The following CEP112 variants were observed in gnomAD, a reference collection of about 807,000 sequenced individuals.
CEP112 encodes the protein centrosomal protein 112, also known as centrosomal protein of 112 kDa.
In CEP112, 127 loss-of-function variants were observed where a neutral mutation model predicts 153.0. The ratio of observed to expected loss-of-function variants is 0.83; its 90% CI spans 0.72 to 0.96. The LOEUF (loss-of-function observed/expected upper bound fraction) is 0.96. CEP112 is among the 40% of genes least tolerant of loss of function. CEP112 has a pLI of 0.00. For missense variants in CEP112, 1,089 were observed against 1,101.2 expected, an observed-to-expected ratio of 0.99 and a Z score of 0.16; for synonymous variants, 358 against 374.4, an observed-to-expected ratio of 0.96 and a Z score of 0.51.
At chr17:65,675,282 A>G (rs752829201) in intron 24 of CEP112, among the ~76,000 whole-genome samples, 3 of 152,192 alleles carry the variant, frequency 2.0e-5, no homozygotes, top group Non-Finnish European at 4.4e-5. Context: ...TTAATTACAA[A>G]TCTTCCAACA....
At chr17:66,059,083 G>A (rs764358982) in intron 11 of CEP112, among the ~76,000 whole-genome samples, 3 of 152,098 alleles carry the variant, frequency 2.0e-5, no homozygotes, top group Non-Finnish European at 2.9e-5. Context: ...CAATAAATGG[G>A]ATGAGATAAC....
intron 21 of CEP112, among the ~76,000 whole-genome samples, chr17:65,760,972 G>GTTTTGGCAGATTGTGT (rs1567974297): frequency 6.6e-6 from 1 of 152,026 alleles, no homozygotes; most frequent in African/African-American, 2.4e-5. Context: ...GCCTGTGCGA[G>GTTTTGGCAGATTGTGT]TTTTGGCAGA....
chr17:65,916,427 A>G (rs1316004500), intron 19 of CEP112, among the ~76,000 whole-genome samples: 1 of 152,152 alleles, frequency 6.6e-6, no homozygotes, highest in African/African-American at 2.4e-5. Context: ...AATTCAATAA[A>G]CATGTGTGAA....
chr17:65,910,855 A>G (rs13341297), intron 19 of CEP112, among the ~76,000 whole-genome samples: 26,745 of 152,126 alleles, frequency 0.18, 2,534 homozygotes, highest in Admixed American at 0.27. Context: ...ATAGATTCCA[A>G]TTGAGGAAAA....
chr17:65,778,997 C>T (rs11658957), intron 21 of CEP112, among the ~76,000 whole-genome samples: 31,190 of 129,942 alleles, frequency 0.24, 3,309 homozygotes, highest in South Asian at 0.3. Flanking sequence ...AAGACCTTAT[C>T]TCTTTAAAAA....
chr17:65,961,312 C>A, intron 18 of CEP112, 151 bp downstream of exon 18: 1 of 694,874 alleles, frequency 1.4e-6, no homozygotes, highest in Non-Finnish European at 2.3e-6. Context: ...GGTAACATCT[C>A]TTTCTCATTC....
Position 65,635,772 on chromosome 17 carries a change from TAA to T in CEP112, c.*197_*198del. ...ATGAAAATCGGAAATAAAGGAATGT[TAA>T]AAAAATAACTTAGGCAGACACAAAT... On this transcript the variant is annotated 3_prime_UTR_variant, in exon 27 of 27. Coordinates refer to ENST00000535342, the MANE Select transcript of CEP112 (RefSeq NM_001199165.4). The T allele has an allele frequency of 1.7e-6, 1 of 579,112 alleles. No individual in the cohort carries two copies. The allele number at this position is 579,112 out of a possible 1,614,324, so 35.9% of individuals were successfully genotyped here. A position where few individuals can be genotyped will look rare whatever the true frequency, so the allele number is the denominator to read the frequency against.
At chr17:65,769,580 G>C (rs1422936779) in intron 21 of CEP112, among the ~76,000 whole-genome samples, 1 of 152,082 alleles carries the variant, frequency 6.6e-6, no homozygotes, top group African/African-American at 2.4e-5. Context: ...TAGACTAATA[G>C]AACAGTATAG....
intron 12 of CEP112, among the ~76,000 whole-genome samples, chr17:66,048,569 A>C (rs1262266397): frequency 6.6e-6 from 1 of 152,208 alleles, no homozygotes; most frequent in Non-Finnish European, 1.5e-5. Context: ...TTGCACTTAC[A>C]ATACAGACAG....
In CEP112 at chr17:66,081,607, TCA is replaced by T. The variant is rs2067719823; in HGVS notation, c.769-11608_769-11607del. The stretch of plus-strand genomic sequence containing the variant: ...TAAATTATATATTTGACTAGCAGAC[TCA>T]CAGACAAAAAAAAAAAAAGGCCTAA... On this transcript the variant is annotated intron_variant, in intron 8 of 26. Transcript: ENST00000535342. 4.0e-5 allele frequency among the ~76,000 whole-genome samples: 5 copies of T among 126,496 alleles called. No individual in the cohort carries two copies. The East Asian group carries it at 1.4e-3, about 36-fold the overall frequency. 83.0% of individuals were successfully genotyped at this position (126,496 alleles called of 152,430 possible). A position where few individuals can be genotyped will look rare whatever the true frequency, so the allele number is the denominator to read the frequency against.
At chr17:66,113,093 A>G (rs923712964) in intron 6 of CEP112, among the ~76,000 whole-genome samples, 2 of 152,158 alleles carry the variant, frequency 1.3e-5, no homozygotes, top group Admixed American at 6.5e-5. Flanking sequence ...TAAATAAAAT[A>G]AAATAAAAAT....
intron 4 of CEP112, among the ~76,000 whole-genome samples, chr17:66,140,182 G>C (rs1338337722): frequency 6.6e-6 from 1 of 152,116 alleles, no homozygotes; most frequent in African/African-American, 2.4e-5. Flanking sequence ...GAGATTATAT[G>C]ATCATTTGGA....
intron 8 of CEP112, among the ~76,000 whole-genome samples, chr17:66,095,313 C>T (rs907776954): frequency 2.0e-5 from 3 of 152,054 alleles, no homozygotes; most frequent in Non-Finnish European, 1.5e-5. Context: ...TACACACACA[C>T]ACACAATGAA....
At chr17:66,120,445 C>G (rs978312753) in intron 6 of CEP112, among the ~76,000 whole-genome samples, 6 of 152,146 alleles carry the variant, frequency 3.9e-5, no homozygotes, top group African/African-American at 1.4e-4. Context: ...AGGTCATCAG[C>G]CCACCTTGGC....
intron 21 of CEP112, among the ~76,000 whole-genome samples, chr17:65,844,590 C>T (rs889661140): frequency 6.0e-5 from 9 of 150,302 alleles, no homozygotes; most frequent in South Asian, 2.1e-4. Flanking sequence ...GAGTATGAGG[C>T]GGGAGAATCG....
chr17:66,150,413 T>C (rs975843289), intron 4 of CEP112, among the ~76,000 whole-genome samples: 12 of 151,970 alleles, frequency 7.9e-5, no homozygotes, highest in Middle Eastern at 3.2e-3. Flanking sequence ...ATACCCCTAG[T>C]AGAGACGGGG....
chr17:65,800,880 G>C (rs1022565315), intron 21 of CEP112, among the ~76,000 whole-genome samples: 1 of 152,152 alleles, frequency 6.6e-6, no homozygotes, highest in African/African-American at 2.4e-5. Context: ...AGCATCAGTG[G>C]TGTTGATCTG....
intron 19 of CEP112, among the ~76,000 whole-genome samples, chr17:65,924,039 C>T (rs879652112): frequency 7.6e-4 from 115 of 152,162 alleles, no homozygotes; most frequent in African/African-American, 2.7e-3. Context: ...TGCAGTGGTG[C>T]GATTTTGGCT....
intron 12 of CEP112, among the ~76,000 whole-genome samples, chr17:66,039,763 C>T (rs921093537): frequency 1.3e-5 from 2 of 152,122 alleles, no homozygotes; most frequent in African/African-American, 4.8e-5. Flanking sequence ...CAAAGGTAAC[C>T]ACTATTTTGA....
Sources: allele counts gnomAD v4.1 joint callset (sites outside exome capture counted in the v4.1 genomes callset), GRCh38; gene constraint gnomAD v4.1.1; transcripts MANE v1.5; gene names NCBI Gene and HGNC (gene_info 2026-07-23, HGNC 2026-07-21).